CSMD1: variants seen among roughly 807,000 people sequenced by gnomAD.
The protein encoded by CSMD1 is CUB and sushi domain-containing protein 1.
CSMD1 carries 213 observed loss-of-function variants against 417.5 expected under a neutral mutation model. That is an observed-to-expected ratio of 0.51 (90% CI 0.46 to 0.57). CSMD1 has a LOEUF of 0.57. CSMD1 is among the 20% of genes least tolerant of loss of function. The probability of loss-of-function intolerance (pLI) is 0.00; values close to 1 mark genes in which losing one functional copy is unlikely to be tolerated. For synonymous variants in CSMD1, 2,862 were observed against 1,736.8 expected (o/e 1.65, Z -16.11); for missense variants, 6,923 against 4,529.7 (o/e 1.53, Z -15.17).
chr8:4,209,061 G>C (rs1585026573), intron 3 of CSMD1, among the ~76,000 whole-genome samples: 1 of 152,086 alleles, frequency 6.6e-6, no homozygotes, highest in South Asian at 2.1e-4. Flanking sequence ...CTTGCTTCTT[G>C]AATTTTTCTT....
At chr8:4,096,222 A>G (rs902092687) in intron 3 of CSMD1, among the ~76,000 whole-genome samples, 2 of 152,142 alleles carry the variant, frequency 1.3e-5, no homozygotes, top group Non-Finnish European at 2.9e-5. Flanking sequence ...AATAATTATA[A>G]TAATAATAAA....
At chr8:4,475,197 A>G (rs1800734377) in intron 2 of CSMD1, among the ~76,000 whole-genome samples, 1 of 152,192 alleles carries the variant, frequency 6.6e-6, no homozygotes, top group African/African-American at 2.4e-5. Context: ...GGCTGTGAAT[A>G]TATATCTTAA....
intron 1 of CSMD1, among the ~76,000 whole-genome samples, chr8:4,688,212 T>C (rs1386742349): frequency 2.0e-5 from 3 of 152,214 alleles, no homozygotes; most frequent in African/African-American, 7.2e-5. Flanking sequence ...GGGTTTTAAA[T>C]ATCAATCCTT....
At chr8:3,875,783 G>C (rs570650949) in intron 5 of CSMD1, among the ~76,000 whole-genome samples, 2 of 152,292 alleles carry the variant, frequency 1.3e-5, no homozygotes, top group African/African-American at 2.4e-5. Context: ...TCAAAGCTTT[G>C]TGGTAAAGGG....
intron 1 of CSMD1, among the ~76,000 whole-genome samples, chr8:4,763,114 T>C (rs750287621): frequency 6.6e-6 from 1 of 152,172 alleles, no homozygotes; most frequent in Admixed American, 6.6e-5. Flanking sequence ...AAACTCAGCA[T>C]GAAGTTACAA....
At chr8:3,670,192 T>C (rs1798914724) in intron 7 of CSMD1, among the ~76,000 whole-genome samples, 1 of 151,942 alleles carries the variant, frequency 6.6e-6, no homozygotes, top group South Asian at 2.1e-4. Context: ...TTACACTTAA[T>C]CTGGGTGGGT....
intron 3 of CSMD1, among the ~76,000 whole-genome samples, chr8:4,279,796 T>C (rs1164028961): frequency 6.6e-6 from 1 of 152,066 alleles, no homozygotes; most frequent in Non-Finnish European, 1.5e-5. Flanking sequence ...CCAGGAGTGT[T>C]GGATTATGTC....
intron 7 of CSMD1, among the ~76,000 whole-genome samples, chr8:3,660,464 G>C (rs538024840): frequency 7.5e-6 from 1 of 132,636 alleles, no homozygotes; most frequent in Non-Finnish European, 1.6e-5. Context: ...TGTAAACTAG[G>C]GCTCAGATCA....
At chr8:4,704,697 T>C (rs943336600) in intron 1 of CSMD1, among the ~76,000 whole-genome samples, 1 of 152,230 alleles carries the variant, frequency 6.6e-6, no homozygotes, top group Admixed American at 6.5e-5. Flanking sequence ...TTTTGTTTGT[T>C]TGCTTGTGTG....
At chr8:4,371,522 C>A (rs551488874) in intron 3 of CSMD1, among the ~76,000 whole-genome samples, 6 of 152,190 alleles carry the variant, frequency 3.9e-5, no homozygotes, top group African/African-American at 1.4e-4. Context: ...TTCCCTTATG[C>A]AAAGAGACAA....
intron 1 of CSMD1, among the ~76,000 whole-genome samples, chr8:4,939,903 C>A (rs1322027446): frequency 2.0e-5 from 3 of 151,860 alleles, no homozygotes; most frequent in Non-Finnish European, 2.9e-5. Flanking sequence ...AGGTTGTGTA[C>A]CATAAATATA....
At chr8:3,522,576 G>A (rs1797552398) in intron 10 of CSMD1, among the ~76,000 whole-genome samples, 1 of 152,038 alleles carries the variant, frequency 6.6e-6, no homozygotes, top group Non-Finnish European at 1.5e-5. Flanking sequence ...GAAAGAAATG[G>A]GAACACTACT....
At chr8:3,516,066 T>G (rs983094706) in intron 10 of CSMD1, among the ~76,000 whole-genome samples, 3 of 152,040 alleles carry the variant, frequency 2.0e-5, no homozygotes, top group African/African-American at 7.3e-5. Context: ...ACTGTAGAAC[T>G]GGGAAACTGG....
intron 5 of CSMD1, among the ~76,000 whole-genome samples, chr8:3,814,811 T>C (rs975324956): frequency 2.6e-5 from 4 of 152,150 alleles, no homozygotes; most frequent in Admixed American, 1.3e-4. Flanking sequence ...TGTGATTATT[T>C]CAAGCCAACT....
At chr8:4,249,778 T>A (rs1217438090) in intron 3 of CSMD1, among the ~76,000 whole-genome samples, 1 of 152,124 alleles carries the variant, frequency 6.6e-6, no homozygotes, top group Non-Finnish European at 1.5e-5. Context: ...AATGGGGCAC[T>A]TGGGGAAATG....
intron 2 of CSMD1, among the ~76,000 whole-genome samples, chr8:4,514,017 C>A (rs1802972464): frequency 6.6e-6 from 1 of 152,168 alleles, no homozygotes; most frequent in African/African-American, 2.4e-5. Flanking sequence ...TTAGTCAGCT[C>A]AGACTGCCAT....
At chr8:4,259,467 C>T (rs1225307104) in intron 3 of CSMD1, among the ~76,000 whole-genome samples, 1 of 152,078 alleles carries the variant, frequency 6.6e-6, no homozygotes, top group East Asian at 1.9e-4. Flanking sequence ...AAGCTTTAGG[C>T]TTAAAAATTA....
intron 5 of CSMD1, among the ~76,000 whole-genome samples, chr8:3,822,954 G>A (rs547633675): frequency 1.3e-5 from 2 of 152,188 alleles, no homozygotes; most frequent in East Asian, 1.9e-4. Context: ...GCTAAGAAAA[G>A]TTGAATCAAC....
At chr8:3,848,501 G>T (rs145636350) in intron 5 of CSMD1, among the ~76,000 whole-genome samples, 1 of 150,956 alleles carries the variant, frequency 6.6e-6, no homozygotes, top group Non-Finnish European at 1.5e-5. Context: ...TATACTTTCC[G>T]ATTTTATAGC....
Sources: allele counts gnomAD v4.1 joint callset (sites outside exome capture counted in the v4.1 genomes callset), GRCh38; gene constraint gnomAD v4.1.1; transcripts MANE v1.5; gene names NCBI Gene and HGNC (gene_info 2026-07-23, HGNC 2026-07-21).